Variants in GPAM observed in about 807,000 individuals in gnomAD.
GPAM encodes the protein glycerol-3-phosphate acyltransferase 1, mitochondrial.
Under a neutral mutation model 105.0 loss-of-function variants are expected in GPAM, and 56 were observed. That is an observed-to-expected ratio of 0.53 (90% CI 0.43 to 0.67). GPAM has a LOEUF of 0.67. Among genes scored for constraint, GPAM ranks in the 30% least tolerant of loss-of-function variants. The probability of loss-of-function intolerance (pLI) is 0.00; values close to 1 mark genes in which losing one functional copy is unlikely to be tolerated. For synonymous variants in GPAM, 368 were observed against 354.4 expected (o/e 1.04, Z -0.43); for missense variants, 855 against 989.8 (o/e 0.86, Z 1.83).
Position 112,188,897 on chromosome 10 carries a change from A to C in GPAM, n.211-6006T>G, listed in dbSNP as rs568553814. ...CACAAAGCAGCACAGAAGGGATTTG[A>C]ACCTAGGCCTTTCTCATACTAAACC... is the stretch of plus-strand genomic sequence containing the variant. On this transcript the variant is annotated intron_variant and non_coding_transcript_variant, in intron 1 of 3. Transcript: ENST00000480130. 5.3e-5 allele frequency among the ~76,000 whole-genome samples: 8 copies of C among 152,310 alleles called. No homozygotes were observed. In the East Asian group the frequency reaches 1.5e-3, roughly 29 times the overall value.
intron 15 of GPAM, 53 bp from the exon 16 acceptor site, chr10:112,160,921 A>G (rs1847112979): frequency 2.6e-6 from 4 of 1,510,984 alleles, no homozygotes; most frequent in South Asian, 2.3e-5. Flanking sequence ...CTTTCCAAAA[A>G]GCTGAGAGGC....
chr10:112,204,254 CTTTTTTT>C (rs59433956), intron 1 of GPAM, among the ~76,000 whole-genome samples: 1 of 132,516 alleles, frequency 7.5e-6, no homozygotes, highest in Non-Finnish European at 1.6e-5. Flanking sequence ...TTTCTTTGTT[CTTTTTTT>C]TTTTTTTTTT....
upstream of GPAM, among the ~76,000 whole-genome samples, chr10:112,218,654 T>C (rs943634790): frequency 6.6e-6 from 1 of 152,190 alleles, no homozygotes; most frequent in Admixed American, 6.5e-5. Context: ...AGCAGCAGCA[T>C]GGACTGCTCA....
rs1007856469 is a variant in GPAM at position 112,153,201 on chromosome 10, C to G, written c.*349G>C. 1 of 1,130,272 alleles carries G rather than the reference C, an allele frequency of 8.8e-7. No individual in the cohort carries two copies. The highest frequency in any genetic ancestry group is 1.1e-6 in the Non-Finnish European group (1 of 912,686). The allele number at this position is 1,130,272 out of a possible 1,614,324, so 70.0% of individuals were successfully genotyped here. Reference sequence around the variant, plus strand: ...TGTAAGATTCAGTTCCAGAACACAGCTACATTTCTGTGTCCATCACAGTAA... The same window carrying G: ...TGTAAGATTCAGTTCCAGAACACAGGTACATTTCTGTGTCCATCACAGTAA... On this transcript the variant is annotated 3_prime_UTR_variant, in exon 22 of 22. Transcript: ENST00000348367.
intron 19 of GPAM, chr10:112,156,586 T>A (rs1847022017): frequency 1.7e-5 from 3 of 178,328 alleles, no homozygotes; most frequent in Admixed American, 1.6e-4. Context: ...TCACTGTACC[T>A]ACCCAAAACA....
intron 1 of GPAM, among the ~76,000 whole-genome samples, chr10:112,193,720 C>T (rs1030242352): frequency 2.0e-5 from 3 of 152,174 alleles, no homozygotes; most frequent in Non-Finnish European, 2.9e-5. Flanking sequence ...GTTAGAGCTG[C>T]GCTAGCAGAT....
chr10:112,211,065 G>A (rs1195820008), intron 1 of GPAM, among the ~76,000 whole-genome samples: 2 of 152,236 alleles, frequency 1.3e-5, no homozygotes, highest in Non-Finnish European at 2.9e-5. Context: ...GGGTCTACAG[G>A]AAGGATGTAG....
chr10:112,173,891 A>G (rs201007247), intron 6 of GPAM, 46 bp from the exon 7 acceptor site: 413 of 1,459,008 alleles, frequency 2.8e-4, no homozygotes, highest in Non-Finnish European at 3.7e-4. Context: ...TTTCTATACT[A>G]CATTCTGTAT....
At chr10:112,222,790 T>G in the GPAM span, among the ~76,000 whole-genome samples, 1 of 152,098 alleles carries the variant, frequency 6.6e-6, no homozygotes, top group East Asian at 1.9e-4. Flanking sequence ...TTCTCTCAGA[T>G]CTCTGTAGTC....
upstream of GPAM, among the ~76,000 whole-genome samples, chr10:112,216,924 G>C (rs892979672): frequency 1.3e-5 from 2 of 149,756 alleles, no homozygotes; most frequent in African/African-American, 2.5e-5. Context: ...ACTCCTACTG[G>C]GAAAAGAAGG....
intron 4 of GPAM, among the ~76,000 whole-genome samples, chr10:112,178,805 G>C (rs372026223): frequency 2.0e-5 from 3 of 152,070 alleles, no homozygotes; most frequent in African/African-American, 7.2e-5. Context: ...ACTAAGACCG[G>C]GAGAGGTTTA....
At chr10:112,167,428 A>G (rs1216215022) in intron 11 of GPAM, among the ~76,000 whole-genome samples, 1 of 152,180 alleles carries the variant, frequency 6.6e-6, no homozygotes, top group Non-Finnish European at 1.5e-5. Context: ...AACAAAATGA[A>G]TATATATGGT....
the GPAM span, among the ~76,000 whole-genome samples, chr10:112,227,549 A>T: frequency 6.6e-6 from 1 of 152,300 alleles, no homozygotes; most frequent in Admixed American, 6.5e-5. Context: ...AGCCAAGAAG[A>T]CGGCCCCTTG....
chr10:112,192,210 T>A (rs1426413045), intron 1 of GPAM, among the ~76,000 whole-genome samples: 1 of 152,212 alleles, frequency 6.6e-6, no homozygotes, highest in Non-Finnish European at 1.5e-5. Flanking sequence ...ATCCATTCAT[T>A]CATAACACAC....
intron 12 of GPAM, among the ~76,000 whole-genome samples, chr10:112,165,288 A>AC: frequency 6.6e-6 from 1 of 152,128 alleles, no homozygotes; most frequent in African/African-American, 2.4e-5. Context: ...GGCCTCAGGG[A>AC]CCTGCCAGTC....
rs187713340 is a variant in GPAM at position 112,172,836 on chromosome 10, T to G, written c.657+134A>C. On this transcript the variant is annotated intron_variant, in intron 8 of 21. Transcript: ENST00000348367. Reference sequence around the variant, plus strand: ...CTCCCCAAATACACAGCTATTGAAGTTATCATAAATGAGGGAAATCTTCCA... The same window carrying G: ...CTCCCCAAATACACAGCTATTGAAGGTATCATAAATGAGGGAAATCTTCCA... The G allele has an allele frequency of 6.5e-4, 453 of 700,192 alleles. 1 individual carries two copies. In the African/African-American group the frequency reaches 7.0e-3, roughly 11 times the overall value. 43.4% of individuals were successfully genotyped at this position (700,192 alleles called of 1,614,324 possible).
intron 15 of GPAM, 54 bp from the exon 16 acceptor site, chr10:112,160,922 G>A (rs1040874901): frequency 6.7e-7 from 1 of 1,497,966 alleles, no homozygotes; most frequent in African/African-American, 1.4e-5. Context: ...TTTCCAAAAA[G>A]CTGAGAGGCC....
upstream of GPAM, among the ~76,000 whole-genome samples, chr10:112,218,705 C>G (rs1199759812): frequency 6.6e-6 from 1 of 152,196 alleles, no homozygotes; most frequent in Non-Finnish European, 1.5e-5. Context: ...ATATGCTAAA[C>G]AAGGGATGGA....
In GPAM at chr10:112,156,023, T is replaced by C. The variant is rs1847012205; in HGVS notation, c.2152A>G (p.Ile718Val). ...VSQSKEHQQF[I>V]TFLQRLLGPL... ...CCAAGGAGTCTCTGTAAGAAGGTGA[T>C]AAACTGCTGGTGCTCCTTGGATTGG... Residue 718 changes from isoleucine (I) to valine (V), a missense_variant, in exon 20 of 22, where the codon ATC becomes GTC. Transcript: ENST00000348367. 1.2e-6 allele frequency: 2 copies of C among 1,613,282 alleles called. No homozygotes were observed. The highest frequency in any genetic ancestry group is 3.3e-5 in the Admixed American group (2 of 59,998).
Sources: gnomAD v4.1 joint callset for allele counts (sites outside exome capture counted in the v4.1 genomes callset) on GRCh38, gnomAD v4.1.1 for gene constraint, MANE v1.5 for transcripts, NCBI Gene and HGNC (gene_info 2026-07-23, HGNC 2026-07-21) for gene names.